The following CNTN1 variants were observed in gnomAD, a reference collection of about 807,000 sequenced individuals.
CNTN1 encodes contactin-1.
A neutral mutation model predicts 126.4 loss-of-function variants in CNTN1; 38 were observed. The ratio of observed to expected loss-of-function variants is 0.30; its 90% confidence interval spans 0.23 to 0.39. The LOEUF (loss-of-function observed/expected upper bound fraction) is 0.39, where lower values mean the gene tolerates loss of function less well. Ranked by LOEUF, CNTN1 falls within the 10% of genes least tolerant of loss-of-function variation. CNTN1 has a pLI of 1.00. For synonymous variants in CNTN1, 413 were observed against 422.6 expected (o/e 0.98, Z 0.28); for missense variants, 1,009 against 1,248.4 (o/e 0.81, Z 2.89).
intron 1 of CNTN1, among the ~76,000 whole-genome samples, chr12:40,859,401 C>T (rs965955823): frequency 5.3e-5 from 8 of 151,978 alleles, no homozygotes; most frequent in Non-Finnish European, 8.8e-5. Context: ...AAGATAATAG[C>T]GGAAACTGTG....
At chr12:40,850,754 G>T (rs766053758) in intron 1 of CNTN1, among the ~76,000 whole-genome samples, 9 of 151,366 alleles carry the variant, frequency 5.9e-5, no homozygotes, top group Non-Finnish European at 1.2e-4. Flanking sequence ...CAAGTGATCT[G>T]AGGGGTTTCT....
At chr12:40,782,745 C>T (rs549450937) in intron 1 of CNTN1, among the ~76,000 whole-genome samples, 10 of 151,826 alleles carry the variant, frequency 6.6e-5, no homozygotes, top group African/African-American at 2.4e-4. Context: ...TATTCTCTAC[C>T]TGAAAAATAA....
intron 1 of CNTN1, among the ~76,000 whole-genome samples, chr12:40,715,721 G>A (rs974796790): frequency 6.6e-6 from 1 of 152,132 alleles, no homozygotes; most frequent in Non-Finnish European, 1.5e-5. Context: ...AGTCAGAGGA[G>A]TTGATGTAAT....
chr12:40,755,981 G>A (rs754234482), intron 1 of CNTN1, among the ~76,000 whole-genome samples: 20 of 152,106 alleles, frequency 1.3e-4, no homozygotes, highest in East Asian at 1.9e-4. Context: ...TAAATGTAAA[G>A]TGAAAACATT....
chr12:40,992,987 T>C, intron 16 of CNTN1, 133 bp from the exon 17 acceptor site: 1 of 745,188 alleles, frequency 1.3e-6, no homozygotes, highest in Non-Finnish European at 2.2e-6. Flanking sequence ...ATTTTGTCAT[T>C]CCTAGTTGTA....
intron 1 of CNTN1, among the ~76,000 whole-genome samples, chr12:40,846,857 ATTTT>A (rs76529589): frequency 6.7e-6 from 1 of 149,420 alleles, no homozygotes; most frequent in Non-Finnish European, 1.5e-5. Context: ...ATGCCCAGTT[ATTTT>A]TTTTTATTAT....
chr12:40,758,649 G>A (rs1364382912), intron 1 of CNTN1, among the ~76,000 whole-genome samples: 1 of 152,060 alleles, frequency 6.6e-6, no homozygotes. Flanking sequence ...AGATGAAAGA[G>A]TATAATGAAC....
chr12:40,945,086 G>T (rs1946387990), intron 14 of CNTN1, among the ~76,000 whole-genome samples: 1 of 152,030 alleles, frequency 6.6e-6, no homozygotes, highest in Non-Finnish European at 1.5e-5. Context: ...AGCTTTAGAA[G>T]AGTTGTAATT....
chr12:40,777,924 A>T (rs1047668393), intron 1 of CNTN1, among the ~76,000 whole-genome samples: 2 of 151,848 alleles, frequency 1.3e-5, no homozygotes, highest in African/African-American at 2.4e-5. Context: ...TTACCTGTAG[A>T]TGTTTCCAGT....
chr12:40,857,250 C>T (rs1209684494), intron 1 of CNTN1, among the ~76,000 whole-genome samples: 1 of 152,044 alleles, frequency 6.6e-6, no homozygotes, highest in African/African-American at 2.4e-5. Context: ...ATCTACACAA[C>T]TTTTCCAAAG....
rs532266971 is a variant in CNTN1 at position 40,789,877 on chromosome 12, A to G, written c.-77+97285A>G. Among the ~76,000 whole-genome samples the G allele has an allele frequency of 1.1e-3, 169 of 152,184 alleles. 2 individuals carry two copies. The South Asian group carries it at 0.033, about 30-fold the overall frequency. On this transcript the variant is annotated intron_variant, in intron 1 of 23. Coordinates refer to ENST00000551295, the MANE Select transcript of CNTN1 (RefSeq NM_001843.4). ...ATTATCATTTTTGTAAAATTTCCATATTTCTGTATATTTCCTTGGAAAATA... is the reference window on the plus strand; with the variant it reads ...ATTATCATTTTTGTAAAATTTCCATGTTTCTGTATATTTCCTTGGAAAATA...
chr12:40,845,405 G>A (rs1483561474), intron 1 of CNTN1, among the ~76,000 whole-genome samples: 2 of 152,148 alleles, frequency 1.3e-5, no homozygotes, highest in Non-Finnish European at 2.9e-5. Context: ...AATTTAACTT[G>A]TTAGTCTCAA....
At chr12:40,962,842 C>G (rs1270152539) in intron 15 of CNTN1, among the ~76,000 whole-genome samples, 3 of 152,062 alleles carry the variant, frequency 2.0e-5, no homozygotes, top group Non-Finnish European at 4.4e-5. Flanking sequence ...TTTCACTTTT[C>G]TTTTCCAAAG....
intron 16 of CNTN1, among the ~76,000 whole-genome samples, chr12:40,991,908 T>C (rs1344951779): frequency 1.3e-5 from 2 of 152,206 alleles, no homozygotes; most frequent in East Asian, 3.9e-4. Context: ...TAAACAGCCC[T>C]TCACAAACCA....
chr12:41,058,597 T>C (rs535512259), intron 23 of CNTN1, among the ~76,000 whole-genome samples: 1 of 152,206 alleles, frequency 6.6e-6, no homozygotes, highest in Non-Finnish European at 1.5e-5. Flanking sequence ...TTTTTTCCCC[T>C]TTTTTTAACT....
Position 41,057,958 on chromosome 12 carries a change from G to T in CNTN1, c.2981-12001G>T, listed in dbSNP as rs113352946. Among the ~76,000 whole-genome samples the T allele has an allele frequency of 8.5e-4, 129 of 152,040 alleles. 1 individual carries two copies. Among genetic ancestry groups the T allele is most frequent in the African/African-American group, 2.9e-3 (121 of 41,478 alleles). ...GAAGAAAAAGCACTTTGCAAATGACGGCATTTTCTATTATGAATAATTAAG... is the reference window on the plus strand; with the variant it reads ...GAAGAAAAAGCACTTTGCAAATGACTGCATTTTCTATTATGAATAATTAAG... On this transcript the variant is annotated intron_variant, in intron 23 of 23. Coordinates refer to ENST00000551295, the MANE Select transcript of CNTN1 (RefSeq NM_001843.4).
At position 40,939,340 on chromosome 12, in the gene CNTN1, G is replaced by C; in HGVS notation, c.1234G>C (p.Ala412Pro). 6.2e-7 allele frequency: 1 copy of C among 1,613,660 alleles called. No homozygotes were observed. The highest frequency in any genetic ancestry group is 8.5e-7 in the Non-Finnish European group (1 of 1,179,842). ...ANAELKILALAPTFEMNPMKK... is the reference protein window; with the variant it reads ...ANAELKILALPPTFEMNPMKK... ...ACAATTTGTTTTCTTTTTAGCGTTGGCTCCAACTTTTGAAATGAATCCTAT... is the reference window on the plus strand; with the variant it reads ...ACAATTTGTTTTCTTTTTAGCGTTGCCTCCAACTTTTGAAATGAATCCTAT... Residue 412 changes from alanine (A) to proline (P), a missense_variant, in exon 12 of 24, where the codon GCT becomes CCT. By Grantham distance (27) the Ala-to-Pro change is conservative (BLOSUM62 -1). Coordinates refer to ENST00000551295, the MANE Select transcript of CNTN1 (RefSeq NM_001843.4).
chr12:41,015,987 CCTT>C (rs1457435074), intron 18 of CNTN1, among the ~76,000 whole-genome samples: 25 of 152,298 alleles, frequency 1.6e-4, no homozygotes, highest in African/African-American at 5.1e-4. Flanking sequence ...GTCCCTTCCT[CCTT>C]GTCACCTACT....
intron 1 of CNTN1, among the ~76,000 whole-genome samples, chr12:40,770,001 T>A (rs1358782511): frequency 6.6e-6 from 1 of 152,122 alleles, no homozygotes; most frequent in African/African-American, 2.4e-5. Context: ...AGAAGAGAGT[T>A]CTGTTAGGTT....
Sources: allele counts gnomAD v4.1 joint callset (sites outside exome capture counted in the v4.1 genomes callset), GRCh38; gene constraint gnomAD v4.1.1; transcripts MANE v1.5; gene names NCBI Gene and HGNC (gene_info 2026-07-23, HGNC 2026-07-21).